EPHB1: variants seen among roughly 807,000 people sequenced by gnomAD.
EPHB1 encodes EPH receptor B1.
Under a neutral mutation model 94.4 loss-of-function variants are expected in EPHB1, and 30 were observed. The observed-to-expected ratio is 0.32, with a 90% CI of 0.24 to 0.43. The LOEUF is 0.43. Among genes scored for constraint, EPHB1 ranks in the 20% least tolerant of loss-of-function variants. The pLI is 1.00. For missense variants in EPHB1, 1,055 were observed against 1,308.3 expected, an observed-to-expected ratio of 0.81 and a Z score of 2.99; for synonymous variants, 522 against 489.1, an observed-to-expected ratio of 1.07 and a Z score of -0.89.
intron 1 of EPHB1, among the ~76,000 whole-genome samples, chr3:134,825,138 C>T (rs142821389): frequency 1.5e-3 from 234 of 152,346 alleles, no homozygotes; most frequent in African/African-American, 5.2e-3. Context: ...GGTCCAGGGT[C>T]AGTGGTCACA....
intron 3 of EPHB1, among the ~76,000 whole-genome samples, chr3:134,987,994 T>A (rs1934662478): frequency 6.6e-6 from 1 of 152,198 alleles, no homozygotes; most frequent in African/African-American, 2.4e-5. Flanking sequence ...TATGGGTATA[T>A]ACTTTTATCA....
Position 134,867,201 on chromosome 3 carries a change from T to C in EPHB1, c.59-58615T>C, listed in dbSNP as rs914609109. Reference sequence around the variant, plus strand: ...CATGAGCCTTAGGTATGCCTTTAATTCAGTTACAGTTGATTCTAGTGGACA... The same window carrying C: ...CATGAGCCTTAGGTATGCCTTTAATCCAGTTACAGTTGATTCTAGTGGACA... On this transcript the variant is annotated intron_variant, in intron 1 of 15. Coordinates refer to ENST00000398015, the MANE Select transcript of EPHB1 (RefSeq NM_004441.5). 6.6e-5 allele frequency among the ~76,000 whole-genome samples: 10 copies of C among 152,272 alleles called. No individual in the cohort carries two copies. The East Asian group carries it at 1.9e-3, about 29-fold the overall frequency.
rs1376284338 is a variant in EPHB1, at chr3:134,951,646, C to T, written c.399C>T (p.Pro133=). ...TKKSAFWSEA[P]YLKVDTIAAD... ...AGTCAGCCTTCTGGTCTGAGGCCCC[C>T]TACCTCAAAGTAGACACCATTGCTG... is the stretch of plus-strand genomic sequence containing the variant. The change falls in exon 3 of 16, where the codon CCC becomes CCT. Residue 133 remains proline, a synonymous_variant. Transcript: ENST00000398015. This position sits in a 1 kb window ranked among gnomAD's most constrained non-coding sequence, Gnocchi z 4.5. 3.7e-6 allele frequency: 6 copies of T among 1,614,078 alleles called. No homozygotes were observed. The highest frequency in any genetic ancestry group is 5.1e-6 in the Non-Finnish European group (6 of 1,179,970).
chr3:134,914,874 C>G (rs1194958398), intron 1 of EPHB1, among the ~76,000 whole-genome samples: 3 of 152,144 alleles, frequency 2.0e-5, no homozygotes, highest in African/African-American at 7.2e-5. Flanking sequence ...ACCAGCCTCT[C>G]CCAGTCAGCA....
intron 3 of EPHB1, among the ~76,000 whole-genome samples, chr3:134,983,204 G>A (rs1559782469): frequency 6.6e-6 from 1 of 152,240 alleles, no homozygotes; most frequent in Non-Finnish European, 1.5e-5. Context: ...TCATTGGCGA[G>A]TGTGTGTGTA....
intron 1 of EPHB1, among the ~76,000 whole-genome samples, chr3:134,899,339 G>A (rs1247650722): frequency 6.6e-6 from 1 of 152,148 alleles, no homozygotes; most frequent in Non-Finnish European, 1.5e-5. Flanking sequence ...GGCCTGCGAT[G>A]TTCCTTTACT....
chr3:135,118,646 G>A (rs79939262), intron 4 of EPHB1, among the ~76,000 whole-genome samples: 2,985 of 152,198 alleles, frequency 0.02, 110 homozygotes, highest in African/African-American at 0.068. Context: ...CAAAATTAAT[G>A]GTAGAATCCC....
intron 4 of EPHB1, among the ~76,000 whole-genome samples, chr3:135,120,181 T>C (rs1939892550): frequency 6.6e-6 from 1 of 152,232 alleles, no homozygotes; most frequent in African/African-American, 2.4e-5. Context: ...TGGAATTGCA[T>C]TGGATATATA....
At chr3:134,860,597 G>A (rs1210285992) in intron 1 of EPHB1, among the ~76,000 whole-genome samples, 2 of 152,080 alleles carry the variant, frequency 1.3e-5, no homozygotes, top group Non-Finnish European at 2.9e-5. Context: ...GGCAGATCAC[G>A]ATGTCAGGAG....
At position 134,820,144 on chromosome 3, in the gene EPHB1, C is replaced by T. The variant is rs2036352698; in HGVS notation, c.58+24455C>T. On this transcript the variant is annotated intron_variant, in intron 1 of 15. Transcript: ENST00000398015. ...AGAGGAAAAGGCAAATTTACTCTTA[C>T]CTTCCTACCTATCTCAGCCTGGGAG... 4.0e-5 allele frequency among the ~76,000 whole-genome samples: 6 copies of T among 149,402 alleles called. No individual in the cohort carries two copies. The South Asian group carries it at 1.3e-3, about 33-fold the overall frequency.
intron 1 of EPHB1, among the ~76,000 whole-genome samples, chr3:134,891,544 G>C (rs974921121): frequency 6.6e-6 from 1 of 152,092 alleles, no homozygotes; most frequent in Non-Finnish European, 1.5e-5. Flanking sequence ...ATCAAGAATG[G>C]GTGTTAAATA....
intron 5 of EPHB1, among the ~76,000 whole-genome samples, chr3:135,148,364 A>G (rs1941083367): frequency 6.6e-6 from 1 of 152,242 alleles, no homozygotes. Context: ...ATATGACAGT[A>G]AAACTCCTGC....
chr3:134,891,115 AT>A (rs1257032042), intron 1 of EPHB1, among the ~76,000 whole-genome samples: 4 of 151,900 alleles, frequency 2.6e-5, no homozygotes, highest in African/African-American at 4.8e-5. Context: ...TTGTTCTTAT[AT>A]TTTTTTTAAG....
rs370816417 is a variant in EPHB1, at chr3:135,040,259, T to C, written c.806-66189T>C. On this transcript the variant is annotated intron_variant, in intron 3 of 15. Coordinates refer to ENST00000398015, the MANE Select transcript of EPHB1 (RefSeq NM_004441.5). ...TACTTTCCTTTCAGGAGATTCGAGA[T>C]ACATACACTATAATGTGGTATAAAG... is the stretch of plus-strand genomic sequence containing the variant. Among the ~76,000 whole-genome samples, 204 of 152,344 alleles carry C rather than the reference T, an allele frequency of 1.3e-3. 2 individuals are homozygous for C. The highest frequency in any genetic ancestry group is 4.9e-3 in the African/African-American group (203 of 41,576).
chr3:135,015,097 C>G (rs941952680), intron 3 of EPHB1, among the ~76,000 whole-genome samples: 2 of 152,156 alleles, frequency 1.3e-5, no homozygotes, highest in African/African-American at 2.4e-5. Context: ...CACCTCTGGT[C>G]CTGACTCCCC....
rs779965625 is a variant in EPHB1, at chr3:135,132,952, C to T, written c.1200C>T (p.Thr400=). The T allele has an allele frequency of 1.8e-5, 29 of 1,613,844 alleles. No individual in the cohort carries two copies. The African/African-American group carries it at 2.3e-4, about 13-fold the overall frequency. Residue 400 remains threonine, a synonymous_variant, in exon 5 of 16, where the codon ACC becomes ACT. Coordinates refer to ENST00000398015, the MANE Select transcript of EPHB1 (RefSeq NM_004441.5). ...RVSISSLWAH[T]PYTFDIQAIN... is the part of the protein sequence containing the mutation. ...CCATCAGCAGCCTGTGGGCCCACAC[C>T]CCCTACACCTTTGACATCCAGGCCA...
intron 1 of EPHB1, among the ~76,000 whole-genome samples, chr3:134,918,773 C>G (rs1388448949): frequency 6.6e-6 from 1 of 152,206 alleles, no homozygotes; most frequent in East Asian, 1.9e-4. Flanking sequence ...CAGTTTTTCT[C>G]ATAGTTCAGA....
At chr3:134,881,353 T>C (rs2037727164) in intron 1 of EPHB1, among the ~76,000 whole-genome samples, 1 of 152,004 alleles carries the variant, frequency 6.6e-6, no homozygotes, top group South Asian at 2.1e-4. Flanking sequence ...CATGCAGGTA[T>C]GTGCAAGCAG....
At chr3:135,247,295 G>A (rs866292723) in intron 13 of EPHB1, among the ~76,000 whole-genome samples, 1 of 152,136 alleles carries the variant, frequency 6.6e-6, no homozygotes, top group African/African-American at 2.4e-5. Flanking sequence ...TACAAAGCAA[G>A]ATTATACTAT....
Sources: allele counts gnomAD v4.1 joint callset (sites outside exome capture counted in the v4.1 genomes callset), GRCh38; gene constraint gnomAD v4.1.1; non-coding constraint Gnocchi (gnomAD v3.1); transcripts MANE v1.5; gene names NCBI Gene and HGNC (gene_info 2026-07-23, HGNC 2026-07-21).